Variants in ANGPT1 observed in about 807,000 individuals in gnomAD.
ANGPT1 encodes the protein angiopoietin-1.
ANGPT1 carries 17 observed loss-of-function variants against 62.2 expected under a neutral mutation model. The observed-to-expected ratio is 0.27, with a 90% CI of 0.19 to 0.41. The LOEUF is 0.41. Ranked by LOEUF, ANGPT1 falls within the 10% of genes least tolerant of loss-of-function variation. The pLI is 1.00. For synonymous variants in ANGPT1, 199 were observed against 198.9 expected, an observed-to-expected ratio of 1.00 and a Z score of 0.00; for missense variants, 478 against 594.9, an observed-to-expected ratio of 0.80 and a Z score of 2.04.
chr8:107,274,554 C>G (rs10086783), intron 7 of ANGPT1, among the ~76,000 whole-genome samples: 140,074 of 152,168 alleles, frequency 0.92, 64,512 homozygotes, highest in Middle Eastern at 0.96. Flanking sequence ...ATAAAAGAAG[C>G]TAGAGTTTAA....
intron 1 of ANGPT1, among the ~76,000 whole-genome samples, chr8:107,465,346 C>T (rs997959217): frequency 2.0e-5 from 3 of 152,054 alleles, no homozygotes; most frequent in Non-Finnish European, 2.9e-5. Flanking sequence ...TTGGCTCTTC[C>T]AGGTCTGGAA....
intron 1 of ANGPT1, among the ~76,000 whole-genome samples, chr8:107,457,306 T>C (rs1811944958): frequency 6.6e-6 from 1 of 152,062 alleles, no homozygotes; most frequent in Non-Finnish European, 1.5e-5. Context: ...AATGTCTTCC[T>C]GTCATTTGGA....
chr8:107,286,312 G>A (rs1187056746), intron 6 of ANGPT1, among the ~76,000 whole-genome samples: 1 of 152,070 alleles, frequency 6.6e-6, no homozygotes, highest in African/African-American at 2.4e-5. Flanking sequence ...TAAATATCCG[G>A]ATTTGCTCAA....
At chr8:107,365,422 G>A (rs992444363) in intron 1 of ANGPT1, among the ~76,000 whole-genome samples, 7 of 152,066 alleles carry the variant, frequency 4.6e-5, no homozygotes, top group African/African-American at 7.2e-5. Flanking sequence ...AACTAAAAAC[G>A]TCCTTGTGGA....
In ANGPT1 at chr8:107,332,650, C is replaced by T. The variant is rs181436631; in HGVS notation, c.575+3500G>A. Among the ~76,000 whole-genome samples, 551 of 152,252 alleles carry T rather than the reference C, an allele frequency of 3.6e-3. 4 individuals are homozygous for T. The highest frequency in any genetic ancestry group is 5.5e-3 in the Non-Finnish European group (373 of 68,012). On this transcript the variant is annotated intron_variant, in intron 3 of 8. Coordinates refer to ENST00000517746, the MANE Select transcript of ANGPT1 (RefSeq NM_001146.5). The stretch of plus-strand genomic sequence containing the variant: ...CATAAAATATTCCTCCTCATTTTGC[C>T]AAAGCAGTGGTGGACCTTCCTAAGG...
chr8:107,367,254 T>C (rs1011641133), intron 1 of ANGPT1, among the ~76,000 whole-genome samples: 2 of 152,216 alleles, frequency 1.3e-5, no homozygotes, highest in African/African-American at 4.8e-5. Context: ...GGGTTTACAC[T>C]ATACTGTGGT....
At chr8:107,347,828 G>C (rs1387574779) in intron 1 of ANGPT1, among the ~76,000 whole-genome samples, 1 of 152,042 alleles carries the variant, frequency 6.6e-6, no homozygotes, top group Non-Finnish European at 1.5e-5. Context: ...CTCTTGCTTT[G>C]GGTAATATTT....
chr8:107,478,805 G>T (rs1051004304), intron 1 of ANGPT1, among the ~76,000 whole-genome samples: 3 of 152,056 alleles, frequency 2.0e-5, no homozygotes, highest in African/African-American at 7.2e-5. Flanking sequence ...ATAAATTGAG[G>T]ACAATAACAG....
intron 1 of ANGPT1, among the ~76,000 whole-genome samples, chr8:107,458,879 A>G (rs1811991971): frequency 6.6e-6 from 1 of 152,088 alleles, no homozygotes; most frequent in African/African-American, 2.4e-5. Flanking sequence ...TTTACATATG[A>G]CATACGACAA....
chr8:107,389,037 G>A (rs758111584), intron 1 of ANGPT1, among the ~76,000 whole-genome samples: 4 of 152,142 alleles, frequency 2.6e-5, no homozygotes, highest in Non-Finnish European at 5.9e-5. Context: ...TGAGGATTCA[G>A]ATGGAGCAAA....
chr8:107,424,049 T>C (rs1470457987), intron 1 of ANGPT1, among the ~76,000 whole-genome samples: 1 of 151,554 alleles, frequency 6.6e-6, no homozygotes, highest in Non-Finnish European at 1.5e-5. Flanking sequence ...CCATGTTGGC[T>C]AGACTGGTCT....
intron 1 of ANGPT1, among the ~76,000 whole-genome samples, chr8:107,401,305 C>A (rs1321687747): frequency 1.3e-5 from 2 of 151,920 alleles, no homozygotes; most frequent in Admixed American, 6.6e-5. Context: ...TTCATTTCCG[C>A]TTCTTGTCAT....
At chr8:107,345,892 A>G (rs1815793957) in intron 2 of ANGPT1, among the ~76,000 whole-genome samples, 1 of 152,206 alleles carries the variant, frequency 6.6e-6, no homozygotes, top group South Asian at 2.1e-4. Context: ...TCAATTAGTT[A>G]ATTATTAGTG....
intron 4 of ANGPT1, among the ~76,000 whole-genome samples, chr8:107,316,658 A>G (rs1815021775): frequency 6.6e-6 from 1 of 152,278 alleles, no homozygotes; most frequent in East Asian, 1.9e-4. Flanking sequence ...ATTGACAATG[A>G]CTGCTCATTG....
chr8:107,260,564 G>A (rs1813468217), intron 8 of ANGPT1, among the ~76,000 whole-genome samples: 1 of 152,130 alleles, frequency 6.6e-6, no homozygotes, highest in Non-Finnish European at 1.5e-5. Context: ...GTGGTGGGGA[G>A]TAACTAAGTA....
chr8:107,441,811 G>A (rs968804661), intron 1 of ANGPT1, among the ~76,000 whole-genome samples: 29 of 151,964 alleles, frequency 1.9e-4, no homozygotes, highest in African/African-American at 6.5e-4. Flanking sequence ...TCCTGGCCAG[G>A]CGCATGGCTC....
At chr8:107,417,908 C>T (rs1401874360) in intron 1 of ANGPT1, among the ~76,000 whole-genome samples, 2 of 152,112 alleles carry the variant, frequency 1.3e-5, no homozygotes, top group African/African-American at 2.4e-5. Flanking sequence ...CCTCGGGGGA[C>T]AGGGTTTCCC....
intron 3 of ANGPT1, among the ~76,000 whole-genome samples, chr8:107,324,617 A>G (rs536450951): frequency 2.4e-4 from 36 of 152,340 alleles, no homozygotes; most frequent in African/African-American, 8.4e-4. Flanking sequence ...AAGAGGAAAA[A>G]GAAGTGTGGC....
In ANGPT1 at chr8:107,497,673, C is replaced by G; in HGVS notation, c.-115G>C. The G allele has an allele frequency of 8.9e-7, 1 of 1,128,694 alleles. No individual in the cohort carries two copies. Among genetic ancestry groups the G allele is most frequent in the Non-Finnish European group, 1.2e-6 (1 of 823,108 alleles). The allele number at this position is 1,128,694 out of a possible 1,614,324, so 69.9% of individuals were successfully genotyped here. The stretch of plus-strand genomic sequence containing the variant: ...TGCTTGTTTGTTTGACTCTTTCCCC[C>G]TCAAAGAAAGCGTTTGAAGAAGAAT... On this transcript the variant is annotated 5_prime_UTR_variant, in exon 1 of 9. Coordinates refer to ENST00000517746, the MANE Select transcript of ANGPT1 (RefSeq NM_001146.5).
Sources: allele counts gnomAD v4.1 joint callset (sites outside exome capture counted in the v4.1 genomes callset), GRCh38; gene constraint gnomAD v4.1.1; transcripts MANE v1.5; gene names NCBI Gene and HGNC (gene_info 2026-07-23, HGNC 2026-07-21).